The following MTA1 variants were observed in gnomAD, a reference collection of about 807,000 sequenced individuals.
The protein encoded by MTA1 is metastasis-associated protein MTA1.
In MTA1, 15 loss-of-function variants were observed where a neutral mutation model predicts 97.0. The ratio of observed to expected loss-of-function variants is 0.15; its 90% confidence interval spans 0.10 to 0.24. The LOEUF (loss-of-function observed/expected upper bound fraction) is 0.24. Among genes scored for constraint, MTA1 ranks in the 10% least tolerant of loss-of-function variants. MTA1 has a pLI of 1.00. For missense variants in MTA1, 709 were observed against 1,015.1 expected (o/e 0.70, Z 4.10); for synonymous variants, 435 against 417.5 (o/e 1.04, Z -0.51).
At chr14:105,469,533 C>T in intron 19 of MTA1, 35 bp downstream of exon 19, 1 of 1,609,424 alleles carries the variant, frequency 6.2e-7, no homozygotes, top group South Asian at 1.1e-5. Context: ...GTACGGTGCG[C>T]TCACCCATGA....
At position 105,463,998 on chromosome 14, in the gene MTA1, G is replaced by T. The variant is rs781792973; in HGVS notation, c.1077-34G>T. On this transcript the variant is annotated intron_variant, in intron 12 of 20. Coordinates refer to ENST00000331320, the MANE Select transcript of MTA1 (RefSeq NM_004689.4). The surrounding 1 kb of genome is among the most constrained non-coding windows in gnomAD (Gnocchi z 5.9). Reference sequence around the variant, plus strand: ...ATGGGCCCTCGAGGTTTGTGCTCCTGCAACTCCTCTCGTCTCTCCTTTCCC... The same window carrying T: ...ATGGGCCCTCGAGGTTTGTGCTCCTTCAACTCCTCTCGTCTCTCCTTTCCC... 1.9e-6 allele frequency: 3 copies of T among 1,607,018 alleles called. No individual in the cohort carries two copies. Among genetic ancestry groups the T allele is most frequent in the Non-Finnish European group, 2.6e-6 (3 of 1,175,142 alleles).
chr14:105,469,814 T>G, intron 19 of MTA1, 27 bp from the exon 20 acceptor site: 1 of 1,585,964 alleles, frequency 6.3e-7, no homozygotes, highest in East Asian at 2.3e-5. Context: ...CTTGGCTGGC[T>G]GCCCAGGAAG....
At chr14:105,464,365 A>G in intron 13 of MTA1, 51 bp from the exon 14 acceptor site, 1 of 1,602,400 alleles carries the variant, frequency 6.2e-7, no homozygotes, top group East Asian at 2.2e-5. Flanking sequence ...ATACTCTGAC[A>G]TCGCTGGTTC....
chr14:105,421,900 C>T (rs759970661), intron 1 of MTA1, among the ~76,000 whole-genome samples: 1 of 152,250 alleles, frequency 6.6e-6, no homozygotes, highest in African/African-American at 2.4e-5. Context: ...CACTGACCCA[C>T]GCACTCCAGT....
At chr14:105,445,129 G>A (rs1555426765) in intron 2 of MTA1, among the ~76,000 whole-genome samples, 1 of 152,138 alleles carries the variant, frequency 6.6e-6, no homozygotes, top group African/African-American at 2.4e-5. Flanking sequence ...TTTCCTCCTT[G>A]GGACCCTGCT....
Position 105,463,696 on chromosome 14 carries a change from G to GCT in MTA1, c.1076+146_1076+147dup. The GCT allele has an allele frequency of 1.3e-6, 1 of 766,344 alleles. No individual in the cohort carries two copies. The highest frequency in any genetic ancestry group is 2.1e-6 in the Non-Finnish European group (1 of 466,816). The allele number at this position is 766,344 out of a possible 1,614,324, so 47.5% of individuals were successfully genotyped here. A position where few individuals can be genotyped will look rare whatever the true frequency, so the allele number is the denominator to read the frequency against. ...GCAGCCCCCGGGAGGGCGGCCCAGG[G>GCT]CTGGGGGGTTCTGGCTGCAGACGCA... On this transcript the variant is annotated intron_variant, in intron 12 of 20. Coordinates refer to ENST00000331320, the MANE Select transcript of MTA1 (RefSeq NM_004689.4). The surrounding 1 kb of genome is among the most constrained non-coding windows in gnomAD (Gnocchi z 5.9).
rs782263654 is a variant in MTA1 at position 105,470,262 on chromosome 14, C to T, written c.*47C>T. ...GCCCCCCGCCCCTCGCCCGCCCACA[C>T]GGCCCCTTCCCAGCCAGCCCGCCGC... On this transcript the variant is annotated 3_prime_UTR_variant, in exon 21 of 21. Coordinates refer to ENST00000331320, the MANE Select transcript of MTA1 (RefSeq NM_004689.4). The T allele has an allele frequency of 2.0e-4, 276 of 1,379,224 alleles. 2 individuals carry two copies. Among genetic ancestry groups the T allele is most frequent in the South Asian group, 8.2e-4 (53 of 64,644 alleles). The allele number at this position is 1,379,224 out of a possible 1,614,324, so 85.4% of individuals were successfully genotyped here.
chr14:105,445,892 T>C, intron 3 of MTA1: 3 of 352,272 alleles, frequency 8.5e-6, no homozygotes, highest in Non-Finnish European at 1.6e-5. Flanking sequence ...GTCTCTCTCT[T>C]TTTAATTTTG....
intron 1 of MTA1, among the ~76,000 whole-genome samples, chr14:105,436,317 C>T (rs914435054): frequency 8.5e-5 from 13 of 152,170 alleles, no homozygotes; most frequent in Admixed American, 2.0e-4. Flanking sequence ...ATATTTTCCC[C>T]TCTACTATTT....
At chr14:105,449,932 CAGG>C (rs2141576513) in intron 4 of MTA1, 123 bp from the exon 5 acceptor site, 1 of 1,368,998 alleles carries the variant, frequency 7.3e-7, no homozygotes, top group East Asian at 2.5e-5. Flanking sequence ...TGTCCGGCAG[CAGG>C]AGGAGGCACG....
Position 105,460,454 on chromosome 14 carries a change from C to A in MTA1, c.750C>A (p.Thr250=). The A allele has an allele frequency of 6.2e-7, 1 of 1,609,056 alleles. No homozygotes were observed. Among genetic ancestry groups the A allele is most frequent in the South Asian group, 1.1e-5 (1 of 90,448 alleles). Residue 250 remains threonine, a synonymous_variant, in exon 9 of 21, where the codon ACC becomes ACA. Transcript: ENST00000331320. ...CCGCAGCTGCCTCCCGAGACATCAC[C>A]CTGGTAAGTGGGCCCAGGGCGGGAC... ...MSAAAASRDI[T]LFHAMDTLHK... is the part of the protein sequence containing the mutation.
chr14:105,465,484 A>G (rs587764004), intron 16 of MTA1: 1 of 256,398 alleles, frequency 3.9e-6, no homozygotes, highest in Non-Finnish European at 7.4e-6. Flanking sequence ...CAGTCTCGCT[A>G]CCCTGTTCCC....
intron 6 of MTA1, among the ~76,000 whole-genome samples, chr14:105,451,221 C>T (rs587634541): frequency 1.8e-4 from 28 of 152,326 alleles, no homozygotes; most frequent in Admixed American, 1.7e-3. Context: ...AGGATGGCCA[C>T]GGTGTGTCCC....
At chr14:105,441,909 C>A (rs1296173660) in intron 2 of MTA1, among the ~76,000 whole-genome samples, 1 of 152,158 alleles carries the variant, frequency 6.6e-6, no homozygotes, top group Non-Finnish European at 1.5e-5. Flanking sequence ...GGGATCCATC[C>A]TGGGATGTGG....
rs909065803 is a variant in MTA1, at chr14:105,422,070, C to T, written c.28+2007C>T. 3.3e-5 allele frequency among the ~76,000 whole-genome samples: 5 copies of T among 152,326 alleles called. No homozygotes were observed. In the South Asian group the frequency reaches 8.3e-4, roughly 25 times the overall value. On this transcript the variant is annotated intron_variant, in intron 1 of 20. Coordinates refer to ENST00000331320, the MANE Select transcript of MTA1 (RefSeq NM_004689.4). The surrounding 1 kb of genome is among the most constrained non-coding windows in gnomAD (Gnocchi z 4.3). ...ACGCGTGGGATCCAGACTGCTTCTG[C>T]GTGTGCAGTCCGTGGTCACTGTGGC... is the stretch of plus-strand genomic sequence containing the variant.
chr14:105,469,015 G>A (rs587757278), intron 18 of MTA1: 6 of 357,110 alleles, frequency 1.7e-5, no homozygotes, highest in East Asian at 8.0e-5. Context: ...GTTTCTGGCC[G>A]GGGCTGGCGG....
At chr14:105,429,380 G>C (rs948507986) in intron 1 of MTA1, among the ~76,000 whole-genome samples, 1 of 152,046 alleles carries the variant, frequency 6.6e-6, no homozygotes, top group East Asian at 1.9e-4. Context: ...CCGCCTCCCG[G>C]GTTCAAGCGA....
At chr14:105,469,650 G>A in intron 19 of MTA1, 152 bp downstream of exon 19, 1 of 1,210,578 alleles carries the variant, frequency 8.3e-7, no homozygotes, top group Non-Finnish European at 1.2e-6. Flanking sequence ...TGGGGGCCAT[G>A]GCCCCTGTGC....
chr14:105,466,200 G>T, intron 16 of MTA1: 1 of 578,950 alleles, frequency 1.7e-6, no homozygotes, highest in Non-Finnish European at 3.1e-6. Context: ...TGGAAGCCCT[G>T]GGGTGCGGGA....
Sources: gnomAD v4.1 joint callset for allele counts (sites outside exome capture counted in the v4.1 genomes callset) on GRCh38, gnomAD v4.1.1 for gene constraint, Gnocchi (gnomAD v3.1) non-coding constraint, MANE v1.5 for transcripts, NCBI Gene and HGNC (gene_info 2026-07-23, HGNC 2026-07-21) for gene names.